Variants in MSRA observed in about 807,000 individuals in gnomAD.
The protein encoded by MSRA is mitochondrial peptide methionine sulfoxide reductase.
MSRA carries 54 observed loss-of-function variants against 31.3 expected under a neutral mutation model. The observed-to-expected ratio is 1.73, with a 90% confidence interval of 1.39 to 2.17. MSRA has a LOEUF of 2.17. Among genes scored for constraint, MSRA ranks in the 30% most tolerant of loss-of-function variants. The probability of loss-of-function intolerance (pLI) is 0.00; values close to 1 mark genes in which losing one functional copy is unlikely to be tolerated. For missense variants in MSRA, 507 were observed against 300.9 expected (o/e 1.69, Z -5.07); for synonymous variants, 169 against 116.5 (o/e 1.45, Z -2.90).
At chr8:10,316,090 A>G (rs185162924) in intron 4 of MSRA, among the ~76,000 whole-genome samples, 15 of 152,300 alleles carry the variant, frequency 9.8e-5, no homozygotes, top group East Asian at 1.9e-4. Flanking sequence ...AAGCAACACT[A>G]TTTCATCTCC....
intron 5 of MSRA, among the ~76,000 whole-genome samples, chr8:10,381,018 T>C (rs1187932066): frequency 6.6e-6 from 1 of 151,610 alleles, no homozygotes; most frequent in Non-Finnish European, 1.5e-5. Context: ...GGTTTATGGA[T>C]AGAAAATGGA....
intron 5 of MSRA, among the ~76,000 whole-genome samples, chr8:10,347,368 A>G (rs1803847216): frequency 6.6e-6 from 1 of 152,180 alleles, no homozygotes; most frequent in Non-Finnish European, 1.5e-5. Flanking sequence ...CAAAATTATC[A>G]TGTCTAAAAC....
intron 1 of MSRA, among the ~76,000 whole-genome samples, chr8:10,116,011 G>C (rs1053042088): frequency 6.6e-6 from 1 of 152,226 alleles, no homozygotes; most frequent in Non-Finnish European, 1.5e-5. Context: ...CGAGGGGACA[G>C]AGATGTGAGA....
chr8:10,397,924 G>A (rs1054091311), intron 5 of MSRA, among the ~76,000 whole-genome samples: 16 of 152,148 alleles, frequency 1.1e-4, no homozygotes, highest in African/African-American at 3.9e-4. Context: ...AGTGGGTGGA[G>A]GCCCCTCTTC....
At chr8:10,266,059 G>A (rs1798732651) in intron 3 of MSRA, among the ~76,000 whole-genome samples, 2 of 152,184 alleles carry the variant, frequency 1.3e-5, no homozygotes, top group Admixed American at 1.3e-4. Flanking sequence ...CAATATTCAT[G>A]TACCAGTGTT....
intron 1 of MSRA, among the ~76,000 whole-genome samples, chr8:10,085,621 A>G (rs1798519985): frequency 6.6e-6 from 1 of 152,174 alleles, no homozygotes; most frequent in Non-Finnish European, 1.5e-5. Context: ...GTACCACAAA[A>G]TTCACCTCTT....
chr8:10,100,178 G>A (rs1397574993), intron 1 of MSRA, among the ~76,000 whole-genome samples: 1 of 152,220 alleles, frequency 6.6e-6, no homozygotes, highest in Non-Finnish European at 1.5e-5. Flanking sequence ...GTGTTATTGA[G>A]GGGCTGCATG....
intron 1 of MSRA, among the ~76,000 whole-genome samples, chr8:10,085,293 A>G (rs189621107): frequency 1.3e-5 from 2 of 152,252 alleles, no homozygotes; most frequent in East Asian, 3.9e-4. Context: ...ACTCATCCTC[A>G]TGGCCCCATT....
intron 1 of MSRA, among the ~76,000 whole-genome samples, chr8:10,160,260 T>C (rs1321061789): frequency 6.6e-6 from 1 of 152,026 alleles, no homozygotes; most frequent in Non-Finnish European, 1.5e-5. Context: ...TTTGGGAGGC[T>C]GAGGTGGGCA....
chr8:10,426,181 AC>A (rs1429286199), intron 5 of MSRA, among the ~76,000 whole-genome samples: 2 of 152,144 alleles, frequency 1.3e-5, no homozygotes, highest in African/African-American at 4.8e-5. Flanking sequence ...TAGTTAGCCA[AC>A]CCCACGTGCT....
chr8:10,314,635 A>G (rs562179549), intron 4 of MSRA, among the ~76,000 whole-genome samples: 4 of 152,254 alleles, frequency 2.6e-5, no homozygotes, highest in Non-Finnish European at 5.9e-5. Context: ...CTATACAGCA[A>G]CAATTCTATT....
intron 5 of MSRA, among the ~76,000 whole-genome samples, chr8:10,399,412 C>T (rs980357792): frequency 1.3e-5 from 2 of 152,198 alleles, no homozygotes; most frequent in African/African-American, 4.8e-5. Context: ...TCCTGAATGG[C>T]TTAGCGCCAT....
intron 4 of MSRA, among the ~76,000 whole-genome samples, chr8:10,301,953 T>A (rs1434485371): frequency 6.6e-6 from 1 of 152,212 alleles, no homozygotes; most frequent in Admixed American, 6.5e-5. Context: ...CAGTCTTTTG[T>A]CTACAAAATT....
chr8:10,200,425 T>A (rs1808393796), intron 1 of MSRA, among the ~76,000 whole-genome samples: 1 of 152,134 alleles, frequency 6.6e-6, no homozygotes, highest in South Asian at 2.1e-4. Context: ...GCTTTGAGAG[T>A]AAATCTCACC....
At chr8:10,096,524 G>A (rs903835506) in intron 1 of MSRA, among the ~76,000 whole-genome samples, 4 of 152,182 alleles carry the variant, frequency 2.6e-5, no homozygotes, top group Admixed American at 1.3e-4. Flanking sequence ...AGAAGAAGTG[G>A]TGAGCTGTGT....
In MSRA at chr8:10,211,166, T is replaced by A. The variant is rs1407536017; in HGVS notation, c.211+3265T>A. Among the ~76,000 whole-genome samples the A allele has an allele frequency of 3.3e-5, 5 of 152,282 alleles. No individual in the cohort carries two copies. The East Asian group carries it at 9.6e-4, about 29-fold the overall frequency. The stretch of plus-strand genomic sequence containing the variant: ...CTTCCATGAAGCTTTTAGATTAGAA[T>A]GTGAAATGTCAGGAAAGACAGATAG... On this transcript the variant is annotated intron_variant, in intron 2 of 5. Transcript: ENST00000317173.
At chr8:10,316,527 C>CTCTCTCTCTCTCTCT (rs1801726307) in intron 4 of MSRA, among the ~76,000 whole-genome samples, 3 of 112,632 alleles carry the variant, frequency 2.7e-5, no homozygotes, top group Admixed American at 9.2e-5. Context: ...TTTGATGATC[C>CTCTCTCTCTCTCTCT]CTCTCTCTCT....
chr8:10,276,506 C>CT (rs1394329867), intron 3 of MSRA, among the ~76,000 whole-genome samples: 1 of 152,218 alleles, frequency 6.6e-6, no homozygotes, highest in African/African-American at 2.4e-5. Flanking sequence ...GTCTGCCCAT[C>CT]TCCAAGGCAT....
At chr8:10,114,059 T>C (rs1325090483) in intron 1 of MSRA, among the ~76,000 whole-genome samples, 1 of 152,204 alleles carries the variant, frequency 6.6e-6, no homozygotes, top group East Asian at 1.9e-4. Context: ...AATCATGTAA[T>C]AGGTGGTGCT....
Sources: allele counts gnomAD v4.1 joint callset (sites outside exome capture counted in the v4.1 genomes callset), GRCh38; gene constraint gnomAD v4.1.1; transcripts MANE v1.5; gene names NCBI Gene and HGNC (gene_info 2026-07-23, HGNC 2026-07-21).